The following ZDHHC11 variants were observed in gnomAD, a reference collection of about 807,000 sequenced individuals.
The protein encoded by ZDHHC11 is zDHHC palmitoyltransferase 11.
In ZDHHC11, 44 loss-of-function variants were observed where a neutral mutation model predicts 51.3. The observed-to-expected ratio is 0.86, with a 90% confidence interval of 0.67 to 1.10. The LOEUF is 1.10. ZDHHC11 is among the 50% of genes least tolerant of loss of function. The pLI is 0.00. For synonymous variants in ZDHHC11, 163 were observed against 222.0 expected, an observed-to-expected ratio of 0.73 and a Z score of 2.36; for missense variants, 400 against 537.7, an observed-to-expected ratio of 0.74 and a Z score of 2.53.
rs1408839994 is a variant in ZDHHC11 at position 802,261 on chromosome 5, T to G, written c.1182-1097A>C. Among the ~76,000 whole-genome samples, 4 of 151,192 alleles carry G rather than the reference T, an allele frequency of 2.6e-5. 1 individual carries two copies. Among genetic ancestry groups the G allele is most frequent in the Non-Finnish European group, 4.4e-5 (3 of 67,650 alleles). ...GATTATTGCAGGGGGAGCAGTAGTC[T>G]TGGTAGACACAGAGAAGTGCTAGGA... is the stretch of plus-strand genomic sequence containing the variant. On this transcript the variant is annotated intron_variant, in intron 11 of 12. Transcript: ENST00000283441.
chr5:824,140 G>T (rs760850240), intron 8 of ZDHHC11: 1 of 451,424 alleles, frequency 2.2e-6, no homozygotes, highest in South Asian at 1.6e-5. Context: ...CCAGAAGCTG[G>T]CCCCATGACA....
chr5:838,444 T>A (rs1279436592), intron 5 of ZDHHC11, among the ~76,000 whole-genome samples: 10 of 152,090 alleles, frequency 6.6e-5, no homozygotes, highest in African/African-American at 2.2e-4. Context: ...AGAGGCCTAT[T>A]TGCAGTGAGG....
chr5:812,771 G>C (rs1467034153), intron 11 of ZDHHC11, among the ~76,000 whole-genome samples: 1 of 151,308 alleles, frequency 6.6e-6, no homozygotes, highest in Non-Finnish European at 1.5e-5. Context: ...CCTAAACTTG[G>C]TCATAAACTT....
upstream of ZDHHC11, among the ~76,000 whole-genome samples, chr5:852,713 G>A (rs1481862638): frequency 1.3e-5 from 2 of 150,244 alleles, no homozygotes; most frequent in African/African-American, 4.9e-5. Context: ...GCGAGCAGCG[G>A]GGACAGACCC....
rs189299680 is a variant in ZDHHC11 at position 827,602 on chromosome 5, A to G, written c.936-2351T>C. 6.6e-4 allele frequency among the ~76,000 whole-genome samples: 100 copies of G among 151,402 alleles called. 3 individuals carry two copies. Among genetic ancestry groups the G allele is most frequent in the African/African-American group, 2.3e-3 (96 of 41,140 alleles). ...ACTATTCTGATACCAGACTCAACAG[A>G]CTTTAAAGCCACAACAGTTAAGAAA... On this transcript the variant is annotated intron_variant, in intron 7 of 12. Coordinates refer to ENST00000283441, the MANE Select transcript of ZDHHC11 (RefSeq NM_024786.3).
At chr5:857,178 T>C (rs939031327) in intron 1 of ZDHHC11, among the ~76,000 whole-genome samples, 25 of 152,340 alleles carry the variant, frequency 1.6e-4, no homozygotes, top group African/African-American at 4.3e-4. Context: ...CGACTAAGGC[T>C]GGATGGGCCC....
intron 11 of ZDHHC11, among the ~76,000 whole-genome samples, chr5:806,299 A>G (rs1739248899): frequency 6.6e-6 from 1 of 151,124 alleles, no homozygotes; most frequent in Non-Finnish European, 1.5e-5. Context: ...GCCAGTGGGG[A>G]GAGGGCCTGC....
At position 796,065 on chromosome 5, in the gene ZDHHC11, C is replaced by G. The variant is rs1268255445; in HGVS notation, c.*523G>C. 1 of 157,104 alleles carries G rather than the reference C, an allele frequency of 6.4e-6. No homozygotes were observed. Among genetic ancestry groups the G allele is most frequent in the African/African-American group, 2.4e-5 (1 of 41,538 alleles). 9.7% of individuals were successfully genotyped at this position (157,104 alleles called of 1,614,324 possible). Reference sequence around the variant, plus strand: ...TGTGCTCCCACTTCCCAGTACTGTGCTCCCATTTCCCAATACTGTGCTCCC... The same window carrying G: ...TGTGCTCCCACTTCCCAGTACTGTGGTCCCATTTCCCAATACTGTGCTCCC... On this transcript the variant is annotated 3_prime_UTR_variant, in exon 13 of 13. Transcript: ENST00000283441.
At chr5:856,700 T>A (rs1748304255) in intron 1 of ZDHHC11, among the ~76,000 whole-genome samples, 2 of 144,420 alleles carry the variant, frequency 1.4e-5, no homozygotes, top group Admixed American at 1.4e-4. Flanking sequence ...CACAAACGCA[T>A]CACTCTCCCC....
At chr5:811,528 C>T (rs1239902228) in intron 11 of ZDHHC11, among the ~76,000 whole-genome samples, 4 of 147,918 alleles carry the variant, frequency 2.7e-5, no homozygotes, top group African/African-American at 1.0e-4. Flanking sequence ...GGAACTCTGG[C>T]GCTGCCCCCA....
At chr5:806,496 A>T (rs913362669) in intron 11 of ZDHHC11, among the ~76,000 whole-genome samples, 34 of 150,996 alleles carry the variant, frequency 2.3e-4, no homozygotes, top group South Asian at 2.1e-4. Context: ...TCATTAATCA[A>T]GACCAAAAAG....
In ZDHHC11 at chr5:846,805, AG is replaced by A. The variant is rs1203641837; in HGVS notation, c.503+708del. On this transcript the variant is annotated intron_variant, in intron 3 of 12. Coordinates refer to ENST00000283441, the MANE Select transcript of ZDHHC11 (RefSeq NM_024786.3). ...TCGTCTATGAGCCTCCACCGTGCTC[AG>A]GGGAAACACGTCTCATCTGTGAGCC... is the stretch of plus-strand genomic sequence containing the variant. Among the ~76,000 whole-genome samples the A allele has an allele frequency of 8.4e-3, 1,180 of 139,808 alleles. 72 individuals carry two copies. The highest frequency in any genetic ancestry group is 0.03 in the African/African-American group (1,024 of 33,636). The allele number at this position is 139,808 out of a possible 152,430, so 91.7% of individuals were successfully genotyped here. A position where few individuals can be genotyped will look rare whatever the true frequency, so the allele number is the denominator to read the frequency against.
chr5:818,241 T>C (rs1341236690), intron 10 of ZDHHC11, among the ~76,000 whole-genome samples: 3 of 150,946 alleles, frequency 2.0e-5, no homozygotes, highest in East Asian at 1.9e-4. Flanking sequence ...ATGTGGACGA[T>C]TGCAGGCAGA....
intron 5 of ZDHHC11, chr5:840,069 G>A (rs1158512638): frequency 3.3e-6 from 2 of 606,286 alleles, no homozygotes; most frequent in African/African-American, 1.9e-5. Flanking sequence ...TGTTTGGTTA[G>A]TGGGTGACCT....
intron 11 of ZDHHC11, among the ~76,000 whole-genome samples, chr5:802,058 G>A (rs956880573): frequency 6.6e-6 from 1 of 151,410 alleles, no homozygotes; most frequent in Admixed American, 6.6e-5. Context: ...GGTCAGGAGT[G>A]TGCTGCAGAA....
intron 12 of ZDHHC11, among the ~76,000 whole-genome samples, chr5:798,428 C>A (rs202213074): frequency 8.0e-3 from 1,179 of 148,082 alleles, no homozygotes; most frequent in East Asian, 0.058. Flanking sequence ...CACACACACA[C>A]CCTTAACTTG....
intron 11 of ZDHHC11, among the ~76,000 whole-genome samples, chr5:814,066 TAA>T (rs553565542): frequency 1.4e-5 from 2 of 147,298 alleles, no homozygotes; most frequent in Admixed American, 1.4e-4. Flanking sequence ...TTTTAAAATA[TAA>T]AGTTAATATA....
chr5:849,173 C>T (rs961303409), intron 1 of ZDHHC11, among the ~76,000 whole-genome samples: 3 of 152,220 alleles, frequency 2.0e-5, no homozygotes, highest in Non-Finnish European at 4.4e-5. Flanking sequence ...ATTGGCCCTG[C>T]ATACACAGCC....
intron 7 of ZDHHC11, among the ~76,000 whole-genome samples, chr5:830,401 A>G (rs1475456457): frequency 0.02 from 151 of 7,592 alleles, no homozygotes; most frequent in African/African-American, 0.035. Context: ...AAAGAAAAAA[A>G]AACAACTTAG....
Sources: gnomAD v4.1 joint callset for allele counts (sites outside exome capture counted in the v4.1 genomes callset) on GRCh38, gnomAD v4.1.1 for gene constraint, MANE v1.5 for transcripts, NCBI Gene and HGNC (gene_info 2026-07-23, HGNC 2026-07-21) for gene names.